Variants in SYT17 observed in about 807,000 individuals in gnomAD.
SYT17 encodes synaptotagmin-17.
In SYT17, 22 loss-of-function variants were observed where a neutral mutation model predicts 46.7. The ratio of observed to expected loss-of-function variants is 0.47; its 90% CI spans 0.34 to 0.67. The LOEUF (loss-of-function observed/expected upper bound fraction) is 0.67, where lower values mean the gene tolerates loss of function less well. SYT17 is among the 30% of genes least tolerant of loss of function. The pLI is 0.01. For missense variants in SYT17, 519 were observed against 612.8 expected (o/e 0.85, Z 1.62); for synonymous variants, 251 against 248.4 (o/e 1.01, Z -0.10).
chr16:19,218,995 C>T (rs911870982), intron 5 of SYT17, among the ~76,000 whole-genome samples: 2 of 152,196 alleles, frequency 1.3e-5, no homozygotes, highest in African/African-American at 2.4e-5. Flanking sequence ...CATCCACCGA[C>T]TGAAAGGGCA....
At chr16:19,189,932 A>G (rs1964947430) in intron 5 of SYT17, among the ~76,000 whole-genome samples, 1 of 152,206 alleles carries the variant, frequency 6.6e-6, no homozygotes, top group Non-Finnish European at 1.5e-5. Flanking sequence ...CTGTCTTGCA[A>G]CATCCTACCT....
chr16:19,213,641 C>G (rs1336341322), intron 5 of SYT17, among the ~76,000 whole-genome samples: 1 of 152,142 alleles, frequency 6.6e-6, no homozygotes, highest in Admixed American at 6.6e-5. Flanking sequence ...TCCTGAGTAT[C>G]TGGGACCACA....
chr16:19,210,795 A>G (rs1477420461), intron 5 of SYT17, among the ~76,000 whole-genome samples: 1 of 152,214 alleles, frequency 6.6e-6, no homozygotes, highest in African/African-American at 2.4e-5. Flanking sequence ...GGGGGCGCAG[A>G]GCAGCTGTGT....
Position 19,168,520 on chromosome 16 carries a change from C to T in SYT17, c.-127C>T. 1.5e-6 allele frequency: 2 copies of T among 1,370,616 alleles called. No homozygotes were observed. The highest frequency in any genetic ancestry group is 2.0e-6 in the Non-Finnish European group (2 of 998,952). The allele number at this position is 1,370,616 out of a possible 1,614,324, so 84.9% of individuals were successfully genotyped here. On this transcript the variant is annotated 5_prime_UTR_variant, in exon 1 of 8. It adds an upstream start codon to the 5' untranslated region. Coordinates refer to ENST00000355377, the MANE Select transcript of SYT17 (RefSeq NM_016524.4). The surrounding 1 kb of genome is among the most constrained non-coding windows in gnomAD (Gnocchi z 6.9). ...CGCCGCTCATCAGCCACGCCAGTCACGTCTGGGGCCACCGGCTGCCTTTTT... is the reference window on the plus strand; with the variant it reads ...CGCCGCTCATCAGCCACGCCAGTCATGTCTGGGGCCACCGGCTGCCTTTTT...
rs3826251 is a variant in SYT17 at position 19,254,354 on chromosome 16, G to C, written c.1229-12526G>C. On this transcript the variant is annotated intron_variant, in intron 7 of 7. Coordinates refer to ENST00000355377, the MANE Select transcript of SYT17 (RefSeq NM_016524.4). ...TAAGCCACCAGTCAACTCATATTTTGATTCTGCATCTAAGCTGACTGCACA... is the reference window on the plus strand; with the variant it reads ...TAAGCCACCAGTCAACTCATATTTTCATTCTGCATCTAAGCTGACTGCACA... Among the ~76,000 whole-genome samples the C allele has an allele frequency of 2.2e-3, 341 of 152,236 alleles. 6 individuals are homozygous for C. In the East Asian group the frequency reaches 0.037, roughly 17 times the overall value.
intron 5 of SYT17, among the ~76,000 whole-genome samples, chr16:19,209,657 T>G (rs1449346175): frequency 6.6e-6 from 1 of 151,288 alleles, no homozygotes. Context: ...GATCACAAGG[T>G]CAGGAGATCG....
At chr16:19,176,422 C>A (rs1964315924) in intron 3 of SYT17, among the ~76,000 whole-genome samples, 2 of 152,144 alleles carry the variant, frequency 1.3e-5, no homozygotes, top group Non-Finnish European at 2.9e-5. Flanking sequence ...AACTATTAGA[C>A]CAGGGGTTGG....
chr16:19,223,191 C>A, intron 6 of SYT17, 26 bp downstream of exon 6: 1 of 1,609,628 alleles, frequency 6.2e-7, no homozygotes, highest in Non-Finnish European at 8.5e-7. Flanking sequence ...CCTCTTCTCT[C>A]ACTTTATTAA....
At chr16:19,231,402 T>G (rs1230964369) in intron 7 of SYT17, among the ~76,000 whole-genome samples, 2 of 151,364 alleles carry the variant, frequency 1.3e-5, no homozygotes, top group African/African-American at 4.9e-5. Flanking sequence ...GTAACCCCAT[T>G]TCTACTAAAA....
intron 7 of SYT17, among the ~76,000 whole-genome samples, chr16:19,237,731 C>G (rs533847272): frequency 3.3e-5 from 5 of 152,336 alleles, no homozygotes; most frequent in Non-Finnish European, 7.3e-5. Flanking sequence ...TTCTTCTACC[C>G]TACCACCAGC....
At chr16:19,187,005 A>G (rs1296047307) in intron 5 of SYT17, among the ~76,000 whole-genome samples, 1 of 152,118 alleles carries the variant, frequency 6.6e-6, no homozygotes, top group Non-Finnish European at 1.5e-5. Flanking sequence ...ATGGGCAATC[A>G]GGACTCATTT....
chr16:19,171,580 C>T (rs1314384238), intron 1 of SYT17: 1 of 152,200 alleles, frequency 6.6e-6, no homozygotes, highest in African/African-American at 2.4e-5. Context: ...CCGCCTTGGC[C>T]TCCCAAAGTA....
At chr16:19,168,093 G>C (rs1373053239), upstream of SYT17, 1 of 156,026 alleles carries the variant, frequency 6.4e-6, no homozygotes, top group Non-Finnish European at 1.4e-5. This position sits in a 1 kb window ranked among gnomAD's most constrained non-coding sequence, Gnocchi z 6.9. Context: ...CTTCATGGCA[G>C]GCTGCACTGT....
intron 4 of SYT17, among the ~76,000 whole-genome samples, chr16:19,182,180 C>T (rs75014745): frequency 0.069 from 10,563 of 152,118 alleles, 655 homozygotes; most frequent in East Asian, 0.28. Flanking sequence ...TTTGGGAGGC[C>T]GAGGCAGGCA....
intron 7 of SYT17, among the ~76,000 whole-genome samples, chr16:19,226,252 A>T (rs1453319120): frequency 6.6e-6 from 1 of 152,128 alleles, no homozygotes; most frequent in Non-Finnish European, 1.5e-5. Flanking sequence ...CAAGGGATCT[A>T]TATTTCCTCA....
chr16:19,171,691 A>C (rs768794356), intron 1 of SYT17: 3 of 152,208 alleles, frequency 2.0e-5, no homozygotes, highest in Non-Finnish European at 4.4e-5. Context: ...TTACTTTAAA[A>C]AAATCATATG....
At chr16:19,244,624 C>T (rs937207310) in intron 7 of SYT17, among the ~76,000 whole-genome samples, 6 of 152,162 alleles carry the variant, frequency 3.9e-5, no homozygotes, top group East Asian at 1.9e-4. Flanking sequence ...CATGAGCCAC[C>T]GAGCCTGGAC....
intron 5 of SYT17, among the ~76,000 whole-genome samples, chr16:19,212,094 A>T (rs746399483): frequency 6.6e-6 from 1 of 152,168 alleles, no homozygotes; most frequent in Non-Finnish European, 1.5e-5. Context: ...CTCAGTGGAC[A>T]TTTGACGATG....
rs578207255 is a variant in SYT17, at chr16:19,244,773, T to C, written c.1228+19935T>C. On this transcript the variant is annotated intron_variant, in intron 7 of 7. Coordinates refer to ENST00000355377, the MANE Select transcript of SYT17 (RefSeq NM_016524.4). Reference sequence around the variant, plus strand: ...CTCTGGCCTTGGGGAGTTTCATCTCTAGCTGGTGGTTGGGGAGGAAAGAGA... The same window carrying C: ...CTCTGGCCTTGGGGAGTTTCATCTCCAGCTGGTGGTTGGGGAGGAAAGAGA... Among the ~76,000 whole-genome samples, 442 of 152,330 alleles carry C rather than the reference T, an allele frequency of 2.9e-3. 3 individuals are homozygous for C. The highest frequency in any genetic ancestry group is 0.01 in the African/African-American group (423 of 41,574).
Sources: gnomAD v4.1 joint callset for allele counts (sites outside exome capture counted in the v4.1 genomes callset) on GRCh38, gnomAD v4.1.1 for gene constraint, Gnocchi (gnomAD v3.1) non-coding constraint, MANE v1.5 for transcripts, NCBI Gene and HGNC (gene_info 2026-07-23, HGNC 2026-07-21) for gene names.